Variants in METTL24 observed in about 807,000 individuals in gnomAD.
METTL24 encodes methyltransferase like 24.
In METTL24, 29 loss-of-function variants were observed where a neutral mutation model predicts 32.7. That is an observed-to-expected ratio of 0.89 (90% CI 0.66 to 1.21). The LOEUF (loss-of-function observed/expected upper bound fraction) is 1.21, where lower values mean the gene tolerates loss of function less well. Among genes scored for constraint, METTL24 ranks in the 50% most tolerant of loss-of-function variants. The pLI is 0.00. For missense variants in METTL24, 439 were observed against 468.1 expected (o/e 0.94, Z 0.57); for synonymous variants, 163 against 179.5 (o/e 0.91, Z 0.73).
chr6:110,325,829 C>T (rs567352563), intron 1 of METTL24, among the ~76,000 whole-genome samples: 1 of 152,178 alleles, frequency 6.6e-6, no homozygotes, highest in Non-Finnish European at 1.5e-5. Flanking sequence ...GTTTCCACCC[C>T]AGAAGAGGAG....
At position 110,335,972 on chromosome 6, in the gene METTL24, A is replaced by G. The variant is rs942384285; in HGVS notation, c.319-13100T>C. Among the ~76,000 whole-genome samples, 3 of 152,196 alleles carry G rather than the reference A, an allele frequency of 2.0e-5. No individual in the cohort carries two copies. In the South Asian group the frequency reaches 6.2e-4, roughly 31 times the overall value. ...AGCTAGTTGATAATATAGACATGGC[A>G]TGCCCAGTAGTACTTCAGAAAGGAT... On this transcript the variant is annotated intron_variant, in intron 1 of 4. Coordinates refer to ENST00000338882, the MANE Select transcript of METTL24 (RefSeq NM_001123364.3).
chr6:110,247,294 C>G (rs1392418172), intron 4 of METTL24, among the ~76,000 whole-genome samples: 1 of 152,122 alleles, frequency 6.6e-6, no homozygotes, highest in Admixed American at 6.5e-5. Context: ...AGTGAGGAAC[C>G]CATTCCCAGT....
chr6:110,297,901 A>G (rs1771448746), intron 4 of METTL24, among the ~76,000 whole-genome samples: 1 of 152,166 alleles, frequency 6.6e-6, no homozygotes, highest in African/African-American at 2.4e-5. Flanking sequence ...TTGAAGAAGC[A>G]TGGGCTATCT....
intron 3 of METTL24, among the ~76,000 whole-genome samples, chr6:110,314,491 A>G (rs1771782208): frequency 6.6e-6 from 1 of 152,224 alleles, no homozygotes; most frequent in Non-Finnish European, 1.5e-5. Flanking sequence ...TTCAACCTGA[A>G]TAACTCGATA....
intron 3 of METTL24, among the ~76,000 whole-genome samples, chr6:110,304,276 C>T (rs1771589817): frequency 6.6e-6 from 1 of 152,068 alleles, no homozygotes; most frequent in African/African-American, 2.4e-5. Context: ...AAAGGATCAC[C>T]ACTCCTCGCC....
chr6:110,299,248 T>C (rs1365917261), intron 3 of METTL24, 98 bp from the exon 4 acceptor site: 2 of 1,034,868 alleles, frequency 1.9e-6, no homozygotes, highest in African/African-American at 3.1e-5. Context: ...TTCTTAGTTA[T>C]ATCAAGCCTT....
intron 2 of METTL24, among the ~76,000 whole-genome samples, chr6:110,319,522 T>C (rs1036734742): frequency 3.3e-5 from 5 of 152,152 alleles, no homozygotes; most frequent in African/African-American, 1.2e-4. Flanking sequence ...AAACAGCCAC[T>C]GTTGCTTAGA....
At chr6:110,336,642 AG>A in intron 1 of METTL24, among the ~76,000 whole-genome samples, 1 of 151,324 alleles carries the variant, frequency 6.6e-6, no homozygotes, top group South Asian at 2.1e-4. Flanking sequence ...TGGGAGGCTG[AG>A]GCAGAAGAAT....
intron 4 of METTL24, among the ~76,000 whole-genome samples, chr6:110,288,328 A>G (rs1378127839): frequency 1.3e-5 from 2 of 152,118 alleles, no homozygotes; most frequent in African/African-American, 4.8e-5. Flanking sequence ...CTCAGGTCTT[A>G]CCCCAGACCT....
intron 4 of METTL24, among the ~76,000 whole-genome samples, chr6:110,276,919 C>T (rs1199065752): frequency 6.6e-6 from 1 of 152,102 alleles, no homozygotes; most frequent in Non-Finnish European, 1.5e-5. Context: ...AGAAAGGTGG[C>T]AGATAAGAAG....
intron 1 of METTL24, among the ~76,000 whole-genome samples, chr6:110,332,864 G>T (rs908761442): frequency 6.6e-6 from 1 of 150,606 alleles, no homozygotes; most frequent in African/African-American, 2.5e-5. Flanking sequence ...AGCTATGGTT[G>T]CAACACTGCA....
At chr6:110,327,489 C>T (rs1006486072) in intron 1 of METTL24, among the ~76,000 whole-genome samples, 7 of 152,168 alleles carry the variant, frequency 4.6e-5, no homozygotes, top group Admixed American at 1.3e-4. Flanking sequence ...TGAGGAGTCT[C>T]AGATGGGGAT....
At chr6:110,319,416 T>C (rs375474623) in intron 2 of METTL24, among the ~76,000 whole-genome samples, 3 of 93,720 alleles carry the variant, frequency 3.2e-5, no homozygotes, top group Non-Finnish European at 6.7e-5. Flanking sequence ...GGTAGAGAGG[T>C]AGAGATAGAT....
intron 4 of METTL24, among the ~76,000 whole-genome samples, chr6:110,283,271 C>A (rs986785690): frequency 1.3e-5 from 2 of 152,152 alleles, no homozygotes; most frequent in African/African-American, 4.8e-5. Context: ...CATCCACAGG[C>A]AGGTTCCCTT....
chr6:110,345,005 A>G (rs1167979892), intron 1 of METTL24, among the ~76,000 whole-genome samples: 1 of 152,226 alleles, frequency 6.6e-6, no homozygotes, highest in Non-Finnish European at 1.5e-5. Context: ...CCTGTAGTGG[A>G]TGGGAGAAAA....
chr6:110,348,074 T>C (rs9384738), intron 1 of METTL24, among the ~76,000 whole-genome samples: 137,381 of 152,264 alleles, frequency 0.9, 62,148 homozygotes, highest in African/African-American at 0.94. Context: ...TTTTGGTACT[T>C]ACAGGCCAGT....
intron 1 of METTL24, among the ~76,000 whole-genome samples, chr6:110,345,323 T>G (rs1772449783): frequency 6.6e-6 from 1 of 152,222 alleles, no homozygotes; most frequent in Admixed American, 6.5e-5. Context: ...TATACACGGT[T>G]GGTGGGAGTG....
chr6:110,258,244 G>A (rs1562217464), intron 4 of METTL24, among the ~76,000 whole-genome samples: 1 of 152,116 alleles, frequency 6.6e-6, no homozygotes. Context: ...CTATATTTTG[G>A]GAGGTGTCTC....
At chr6:110,313,731 G>A (rs571365987) in intron 3 of METTL24, among the ~76,000 whole-genome samples, 17 of 152,210 alleles carry the variant, frequency 1.1e-4, no homozygotes, top group African/African-American at 4.1e-4. Context: ...CATAGCTGGT[G>A]GGCTTCCAGA....
Sources: allele counts gnomAD v4.1 joint callset (sites outside exome capture counted in the v4.1 genomes callset), GRCh38; gene constraint gnomAD v4.1.1; transcripts MANE v1.5; gene names NCBI Gene and HGNC (gene_info 2026-07-23, HGNC 2026-07-21).